The following ENDOD1 variants were observed in gnomAD, a reference collection of about 807,000 sequenced individuals.
ENDOD1 encodes endonuclease domain containing 1, also known as endonuclease domain-containing 1 protein.
Under a neutral mutation model 6.5 loss-of-function variants are expected in ENDOD1, and 9 were observed. The observed-to-expected ratio is 1.39, with a 90% CI of 0.84 to 2.43. The LOEUF (loss-of-function observed/expected upper bound fraction) is 2.43. ENDOD1 is among the 30% of genes most tolerant of loss of function. The pLI is 0.00. For synonymous variants in ENDOD1, 255 were observed against 255.2 expected, an observed-to-expected ratio of 1.00 and a Z score of 0.01; for missense variants, 648 against 635.5, an observed-to-expected ratio of 1.02 and a Z score of -0.21.
chr11:95,128,880 C>T lies in ENDOD1; in HGVS notation c.804C>T (p.Asn268=), dbSNP rs760790561. 2 of 1,614,066 alleles carry T rather than the reference C, an allele frequency of 1.2e-6. No homozygotes were observed. The highest frequency in any genetic ancestry group is 1.1e-5 in the South Asian group (1 of 91,078). The change falls in exon 2 of 2, where the codon AAC becomes AAT. Residue 268 remains asparagine (N), a synonymous_variant. Coordinates refer to ENST00000278505, the MANE Select transcript of ENDOD1 (RefSeq NM_015036.3). ...TTAACCCTCAGCTGTTTCAGAACAACTGTGGTGAAACTGAGCAAGACACAG... is the reference window on the plus strand; with the variant it reads ...TTAACCCTCAGCTGTTTCAGAACAATTGTGGTGAAACTGAGCAAGACACAG... ...LPFNPQLFQN[N]CGETEQDTEK...
At chr11:95,119,850 A>G (rs1317996478) in intron 1 of ENDOD1, among the ~76,000 whole-genome samples, 1 of 152,176 alleles carries the variant, frequency 6.6e-6, no homozygotes, top group Non-Finnish European at 1.5e-5. Context: ...GTTCTAGTCC[A>G]TTGCAGCTGA....
At chr11:95,122,116 G>A (rs1025011086) in intron 1 of ENDOD1, among the ~76,000 whole-genome samples, 7 of 152,190 alleles carry the variant, frequency 4.6e-5, no homozygotes, top group African/African-American at 1.2e-4. Flanking sequence ...ATTAAACCAT[G>A]TCTGTAGAGA....
Position 95,113,651 on chromosome 11 carries a change from G to T in ENDOD1, c.301-14726G>T, listed in dbSNP as rs546609421. Among the ~76,000 whole-genome samples the T allele has an allele frequency of 4.6e-5, 7 of 152,178 alleles. No homozygotes were observed. The South Asian group carries it at 1.5e-3, about 32-fold the overall frequency. ...ACCACATTTTCTTTATTCATCTGTT[G>T]AAGGACACTTAGGTTGTTTCAAAAT... On this transcript the variant is annotated intron_variant, in intron 1 of 1. Coordinates refer to ENST00000278505, the MANE Select transcript of ENDOD1 (RefSeq NM_015036.3).
intron 1 of ENDOD1, among the ~76,000 whole-genome samples, chr11:95,118,755 T>G (rs1859235004): frequency 6.6e-6 from 1 of 152,226 alleles, no homozygotes; most frequent in African/African-American, 2.4e-5. Context: ...TCTACTTCTA[T>G]CTCTTTCTCT....
At chr11:95,106,189 A>C (rs931042957) in intron 1 of ENDOD1, among the ~76,000 whole-genome samples, 10 of 152,354 alleles carry the variant, frequency 6.6e-5, no homozygotes, top group African/African-American at 2.4e-4. Context: ...AGAGTAGGGC[A>C]GAGAAGAGGG....
chr11:95,108,494 AACACAC>A (rs34439162), intron 1 of ENDOD1, among the ~76,000 whole-genome samples: 26 of 146,452 alleles, frequency 1.8e-4, no homozygotes, highest in East Asian at 4.0e-4. Flanking sequence ...CTCTTTTCTA[AACACAC>A]ACACACACAC....
At position 95,128,359 on chromosome 11, in the gene ENDOD1, CT is replaced by C. The variant is rs1462564195; in HGVS notation, c.301-16del. On this transcript the variant is annotated splice_polypyrimidine_tract_variant and intron_variant, in intron 1 of 1. Coordinates refer to ENST00000278505, the MANE Select transcript of ENDOD1 (RefSeq NM_015036.3). ...CTGTAAGCAGGGATGCATCTCACCA[CT>C]TGTTTTCTTCTTGCAGATCGATGAC... The C allele has an allele frequency of 1.2e-6, 2 of 1,602,328 alleles. No individual in the cohort carries two copies. Among genetic ancestry groups the C allele is most frequent in the South Asian group, 2.3e-5 (2 of 88,438 alleles).
intron 1 of ENDOD1, among the ~76,000 whole-genome samples, chr11:95,123,463 G>T (rs1240035759): frequency 6.6e-6 from 1 of 151,880 alleles, no homozygotes; most frequent in Admixed American, 6.6e-5. Context: ...AAAGGGCTGA[G>T]AGTCCCTGTA....
intron 1 of ENDOD1, among the ~76,000 whole-genome samples, chr11:95,108,530 CACCCAAA>C (rs1395650718): frequency 2.0e-5 from 3 of 150,634 alleles, no homozygotes; most frequent in Non-Finnish European, 4.4e-5. Context: ...CACACACAGA[CACCCAAA>C]AAAAGAAAAA....
At chr11:95,091,250 G>A (rs1392934645) in intron 1 of ENDOD1, among the ~76,000 whole-genome samples, 6 of 152,166 alleles carry the variant, frequency 3.9e-5, no homozygotes, top group African/African-American at 2.4e-5. Context: ...CTTTCCTGAC[G>A]GCCACAGCTG....
At chr11:95,096,028 C>T (rs1224141574) in intron 1 of ENDOD1, among the ~76,000 whole-genome samples, 4 of 152,096 alleles carry the variant, frequency 2.6e-5, no homozygotes, top group Admixed American at 2.6e-4. Flanking sequence ...CTTTTAGCTC[C>T]GTTACTGGTG....
Position 95,130,589 on chromosome 11 carries a change from G to C in ENDOD1, c.*1010G>C, listed in dbSNP as rs1392792378. ...GTACCCAGCACAGTAAAAATACTCT[G>C]ACTTATGTCCCTAAATGGTTGTTTT... is the stretch of plus-strand genomic sequence containing the variant. On this transcript the variant is annotated 3_prime_UTR_variant, in exon 2 of 2. Transcript: ENST00000278505. The C allele has an allele frequency of 1.3e-5, 2 of 151,914 alleles. No homozygotes were observed. Among genetic ancestry groups the C allele is most frequent in the African/African-American group, 2.4e-5 (1 of 41,372 alleles). The allele number at this position is 151,914 out of a possible 1,614,324, so 9.4% of individuals were successfully genotyped here. A position where few individuals can be genotyped will look rare whatever the true frequency, so the allele number is the denominator to read the frequency against.
At chr11:95,102,368 TAAA>T (rs34465864) in intron 1 of ENDOD1, among the ~76,000 whole-genome samples, 3 of 128,990 alleles carry the variant, frequency 2.3e-5, no homozygotes, top group Non-Finnish European at 1.7e-5. Flanking sequence ...CTTTCCTGCT[TAAA>T]AAAAAAAAAA....
In ENDOD1 at chr11:95,130,231, G is replaced by A. The variant is rs1859357495; in HGVS notation, c.*652G>A. Reference sequence around the variant, plus strand: ...ACATTTTTCTTTTAGGTAATGATAAGCATTTTTTAAAAAATCATTTTTAGG... The same window carrying A: ...ACATTTTTCTTTTAGGTAATGATAAACATTTTTTAAAAAATCATTTTTAGG... On this transcript the variant is annotated 3_prime_UTR_variant, in exon 2 of 2. Transcript: ENST00000278505. The A allele has an allele frequency of 6.6e-6, 1 of 151,946 alleles. No individual in the cohort carries two copies. The highest frequency in any genetic ancestry group is 2.4e-5 in the African/African-American group (1 of 41,368). 9.4% of individuals were successfully genotyped at this position (151,946 alleles called of 1,614,324 possible). A position where few individuals can be genotyped will look rare whatever the true frequency, so the allele number is the denominator to read the frequency against.
chr11:95,108,677 G>T (rs968969327), intron 1 of ENDOD1, among the ~76,000 whole-genome samples: 21 of 152,168 alleles, frequency 1.4e-4, no homozygotes, highest in African/African-American at 4.8e-4. Context: ...TCTTTCCTGA[G>T]AGCTGAAAAG....
At chr11:95,104,686 T>A (rs1325189439) in intron 1 of ENDOD1, among the ~76,000 whole-genome samples, 5 of 152,140 alleles carry the variant, frequency 3.3e-5, no homozygotes, top group Non-Finnish European at 7.4e-5. Context: ...TTGAAAGATA[T>A]CACAGGTAGA....
At chr11:95,117,222 C>A (rs2134171354) in intron 1 of ENDOD1, among the ~76,000 whole-genome samples, 1 of 152,258 alleles carries the variant, frequency 6.6e-6, no homozygotes, top group African/African-American at 2.4e-5. Flanking sequence ...CCAGCCTGGC[C>A]AACATGGCAA....
Position 95,090,153 on chromosome 11 carries a change from C to A in ENDOD1, c.226C>A (p.Pro76Thr), listed in dbSNP as rs1858913485. 1.1e-5 allele frequency: 17 copies of A among 1,479,346 alleles called. No individual in the cohort carries two copies. The highest frequency in any genetic ancestry group is 1.4e-5 in the Non-Finnish European group (15 of 1,104,714). The allele number at this position is 1,479,346 out of a possible 1,614,324, so 91.6% of individuals were successfully genotyped here. ...ATLYSTRDRI[P>T]VYSAFRAPRP... ...CCTCTACAGCACCCGGGACCGCATC[C>A]CCGTGTACTCCGCGTTCCGCGCCCC... The change falls in exon 1 of 2, where the codon CCC (proline) becomes ACC (threonine). Residue 76 changes from proline to threonine, a missense_variant. By Grantham distance (38) the Pro-to-Thr change is conservative. Coordinates refer to ENST00000278505, the MANE Select transcript of ENDOD1 (RefSeq NM_015036.3).
chr11:95,114,190 C>T (rs1859178854), intron 1 of ENDOD1, among the ~76,000 whole-genome samples: 1 of 152,166 alleles, frequency 6.6e-6, no homozygotes, highest in Non-Finnish European at 1.5e-5. Flanking sequence ...AATCTTGGCT[C>T]ACTGCAGCCT....
Sources: allele counts gnomAD v4.1 joint callset (sites outside exome capture counted in the v4.1 genomes callset), GRCh38; gene constraint gnomAD v4.1.1; transcripts MANE v1.5; gene names NCBI Gene and HGNC (gene_info 2026-07-23, HGNC 2026-07-21).